The following CPQ variants were observed in gnomAD, a reference collection of about 807,000 sequenced individuals.
CPQ encodes the protein carboxypeptidase Q, also known as Ser-Met dipeptidase.
In CPQ, 37 loss-of-function variants were observed where a neutral mutation model predicts 45.7. The ratio of observed to expected loss-of-function variants is 0.81; its 90% CI spans 0.62 to 1.07. The LOEUF (loss-of-function observed/expected upper bound fraction) is 1.07, where lower values mean the gene tolerates loss of function less well. Ranked by LOEUF, CPQ falls within the 50% of genes least tolerant of loss-of-function variation. CPQ has a pLI of 0.00. For synonymous variants in CPQ, 186 were observed against 205.8 expected, an observed-to-expected ratio of 0.90 and a Z score of 0.82; for missense variants, 537 against 572.9, an observed-to-expected ratio of 0.94 and a Z score of 0.64.
chr8:96,880,088 C>A, intron 4 of CPQ, 83 bp downstream of exon 4: 4 of 1,169,000 alleles, frequency 3.4e-6, no homozygotes, highest in Non-Finnish European at 5.0e-6. Flanking sequence ...AAAGAGAGAA[C>A]GTGAAACCAC....
At chr8:96,690,021 T>C (rs1477527820) in intron 1 of CPQ, among the ~76,000 whole-genome samples, 1 of 152,162 alleles carries the variant, frequency 6.6e-6, no homozygotes, top group Non-Finnish European at 1.5e-5. Context: ...TTTTCTCTCC[T>C]GTTTATGAGC....
chr8:97,017,119 C>A (rs1201147861), intron 5 of CPQ, among the ~76,000 whole-genome samples: 2 of 152,134 alleles, frequency 1.3e-5, no homozygotes, highest in Non-Finnish European at 2.9e-5. Flanking sequence ...GATCATCTGC[C>A]CCTGAACATA....
chr8:96,986,368 T>G (rs1173900128), intron 5 of CPQ, among the ~76,000 whole-genome samples: 1 of 152,192 alleles, frequency 6.6e-6, no homozygotes, highest in Non-Finnish European at 1.5e-5. Context: ...CTTCCCAGCT[T>G]TGGTAAGTGC....
intron 7 of CPQ, among the ~76,000 whole-genome samples, chr8:97,121,577 G>C (rs1045120073): frequency 2.6e-5 from 4 of 152,062 alleles, no homozygotes; most frequent in African/African-American, 7.2e-5. Context: ...AGACAATCTA[G>C]ACAGACACTC....
At chr8:96,840,702 G>A (rs972973891) in intron 3 of CPQ, among the ~76,000 whole-genome samples, 1 of 152,154 alleles carries the variant, frequency 6.6e-6, no homozygotes, top group African/African-American at 2.4e-5. Context: ...ATAGATGATG[G>A]CAATTGGAAT....
intron 7 of CPQ, among the ~76,000 whole-genome samples, chr8:97,130,011 T>C (rs1160938298): frequency 1.3e-5 from 2 of 152,214 alleles, no homozygotes; most frequent in Non-Finnish European, 2.9e-5. Flanking sequence ...GGTTGATACA[T>C]TGTAAACGTA....
intron 1 of CPQ, among the ~76,000 whole-genome samples, chr8:96,686,000 G>C (rs541965300): frequency 1.1e-4 from 16 of 151,960 alleles, no homozygotes; most frequent in Non-Finnish European, 2.2e-4. Flanking sequence ...TCTTACTTTG[G>C]ATCTCCTATT....
intron 6 of CPQ, among the ~76,000 whole-genome samples, chr8:97,040,342 CTTG>C (rs1205375150): frequency 6.7e-4 from 102 of 151,630 alleles, no homozygotes; most frequent in African/African-American, 2.5e-3. Flanking sequence ...TTGTTTTTTT[CTTG>C]TAAATTTGTT....
chr8:96,698,758 T>A (rs7829114), intron 1 of CPQ, among the ~76,000 whole-genome samples: 3,688 of 152,158 alleles, frequency 0.024, 164 homozygotes, highest in African/African-American at 0.084. Flanking sequence ...CATCACAATA[T>A]GCAAATAAAA....
intron 6 of CPQ, among the ~76,000 whole-genome samples, chr8:97,043,305 CA>C (rs1315226157): frequency 3.3e-5 from 5 of 151,032 alleles, no homozygotes; most frequent in Non-Finnish European, 7.4e-5. Flanking sequence ...ACTAGGATTG[CA>C]ACCCCTGCCT....
At chr8:96,709,984 G>A (rs945030414) in intron 1 of CPQ, among the ~76,000 whole-genome samples, 3 of 151,910 alleles carry the variant, frequency 2.0e-5, no homozygotes, top group Non-Finnish European at 4.4e-5. Flanking sequence ...AATGTCTGAT[G>A]GATTTCCCCT....
chr8:96,664,727 C>A lies in CPQ; in HGVS notation c.-35+19325C>A, dbSNP rs533716637. Among the ~76,000 whole-genome samples the A allele has an allele frequency of 5.3e-5, 8 of 152,296 alleles. No individual in the cohort carries two copies. In the South Asian group the frequency reaches 1.2e-3, roughly 24 times the overall value. On this transcript the variant is annotated intron_variant, in intron 1 of 7. Coordinates refer to ENST00000220763, the MANE Select transcript of CPQ (RefSeq NM_016134.4). ...ATGAAAATGCTGTTGAAATCATTAA[C>A]CACCAAGTAAAGTTGTGAGCCAAGA...
chr8:97,126,974 A>C (rs1359091686), intron 7 of CPQ, among the ~76,000 whole-genome samples: 1 of 152,210 alleles, frequency 6.6e-6, no homozygotes, highest in African/African-American at 2.4e-5. Context: ...AGGGGAAAAA[A>C]ATGAACCTTA....
chr8:96,675,738 A>G (rs1216661823), intron 1 of CPQ, among the ~76,000 whole-genome samples: 1 of 152,020 alleles, frequency 6.6e-6, no homozygotes, highest in East Asian at 1.9e-4. Context: ...GGAGGGGAAC[A>G]GCACTCTGTT....
At chr8:96,671,794 CT>C (rs1240651690) in intron 1 of CPQ, among the ~76,000 whole-genome samples, 1 of 152,112 alleles carries the variant, frequency 6.6e-6, no homozygotes, top group Non-Finnish European at 1.5e-5. Context: ...ATTTTAGATT[CT>C]TTCCTAATTC....
intron 7 of CPQ, among the ~76,000 whole-genome samples, chr8:97,091,952 A>G (rs1811134012): frequency 6.6e-6 from 1 of 152,120 alleles, no homozygotes; most frequent in African/African-American, 2.4e-5. Context: ...CCCCAGGGAA[A>G]CTGCAGTTAT....
chr8:96,922,478 A>G (rs959937463), intron 4 of CPQ, among the ~76,000 whole-genome samples: 3 of 152,180 alleles, frequency 2.0e-5, no homozygotes, highest in Non-Finnish European at 4.4e-5. Flanking sequence ...TCTCTTTTGG[A>G]AGAGAACAGA....
Position 97,128,839 on chromosome 8 carries a change from G to T in CPQ, c.1256-14181G>T, listed in dbSNP as rs78997489. ...AAAGGCTCAACAGCCATATATTAGG[G>T]ATATTATGAAGTGATTTAAACATTA... On this transcript the variant is annotated intron_variant, in intron 7 of 7. Transcript: ENST00000220763. 1.7e-4 allele frequency among the ~76,000 whole-genome samples: 26 copies of T among 152,316 alleles called. 1 individual carries two copies. The East Asian group carries it at 5.0e-3, about 29-fold the overall frequency.
chr8:97,123,090 T>A (rs1417436873), intron 7 of CPQ, among the ~76,000 whole-genome samples: 33 of 52,204 alleles, frequency 6.3e-4, no homozygotes, highest in Non-Finnish European at 8.9e-4. Context: ...ATAAATAAAA[T>A]AAAATAAAAT....
Sources: gnomAD v4.1 joint callset for allele counts (sites outside exome capture counted in the v4.1 genomes callset) on GRCh38, gnomAD v4.1.1 for gene constraint, MANE v1.5 for transcripts, NCBI Gene and HGNC (gene_info 2026-07-23, HGNC 2026-07-21) for gene names.